IQCM: variants seen among roughly 807,000 people sequenced by gnomAD.
IQCM encodes the protein IQ domain-containing protein M.
Under a neutral mutation model 57.6 loss-of-function variants are expected in IQCM, and 45 were observed. The observed-to-expected ratio is 0.78, with a 90% CI of 0.62 to 1.00. IQCM has a LOEUF of 1.00. Ranked by LOEUF, IQCM falls within the 50% of genes least tolerant of loss-of-function variation. The pLI is 0.00. For missense variants in IQCM, 468 were observed against 511.6 expected (o/e 0.91, Z 0.82); for synonymous variants, 148 against 158.9 (o/e 0.93, Z 0.51).
intron 12 of IQCM, among the ~76,000 whole-genome samples, chr4:149,474,553 CAAAA>C (rs35089303): frequency 1.6e-5 from 2 of 126,790 alleles, no homozygotes; most frequent in East Asian, 2.3e-4. Context: ...ACTAAAAATA[CAAAA>C]AAAAAAAAAA....
chr4:149,510,655 T>C (rs1255544587), intron 12 of IQCM, among the ~76,000 whole-genome samples: 2 of 152,212 alleles, frequency 1.3e-5, no homozygotes, highest in Non-Finnish European at 2.9e-5. Flanking sequence ...ATCCTCTGGT[T>C]TATGATAGTC....
chr4:149,485,325 T>G (rs951941003), intron 12 of IQCM, among the ~76,000 whole-genome samples: 6 of 152,058 alleles, frequency 3.9e-5, no homozygotes. Flanking sequence ...CTACCTCTCT[T>G]TAAAGCCAAT....
intron 13 of IQCM, among the ~76,000 whole-genome samples, chr4:149,370,775 T>C (rs956403074): frequency 6.6e-6 from 1 of 152,218 alleles, no homozygotes; most frequent in South Asian, 2.1e-4. Flanking sequence ...TGTAGACCAC[T>C]GAAATATATA....
At chr4:149,685,347 A>G (rs974650955) in intron 6 of IQCM, among the ~76,000 whole-genome samples, 6 of 151,544 alleles carry the variant, frequency 4.0e-5, no homozygotes, top group Non-Finnish European at 8.9e-5. Flanking sequence ...TGGGTAACTC[A>G]AAGGCAGAGA....
chr4:149,769,931 A>C (rs1343041945), intron 2 of IQCM, among the ~76,000 whole-genome samples: 1 of 152,090 alleles, frequency 6.6e-6, no homozygotes, highest in African/African-American at 2.4e-5. Flanking sequence ...ACTTGACATA[A>C]CTGGCATTTA....
At chr4:149,712,369 C>CACAA (rs1554027220) in intron 5 of IQCM, among the ~76,000 whole-genome samples, 8 of 150,492 alleles carry the variant, frequency 5.3e-5, no homozygotes, top group African/African-American at 2.0e-4. Context: ...CACACACACA[C>CACAA]AACACACATA....
At chr4:149,766,342 T>C (rs1235459817) in intron 2 of IQCM, among the ~76,000 whole-genome samples, 2 of 152,154 alleles carry the variant, frequency 1.3e-5, no homozygotes, top group African/African-American at 4.8e-5. Context: ...CTTTCTGCAA[T>C]CAAGCTAAAC....
intron 2 of IQCM, among the ~76,000 whole-genome samples, chr4:149,796,012 C>T (rs1773077326): frequency 6.6e-6 from 1 of 152,112 alleles, no homozygotes; most frequent in Admixed American, 6.5e-5. Flanking sequence ...GCTATGGTGG[C>T]CCTGGGGCGA....
intron 5 of IQCM, among the ~76,000 whole-genome samples, chr4:149,716,444 C>A (rs1765005859): frequency 6.6e-6 from 1 of 152,180 alleles, no homozygotes. Flanking sequence ...GCAGGTGGAG[C>A]CTCCCAGGCC....
chr4:149,586,690 T>G (rs1752674970), intron 9 of IQCM, among the ~76,000 whole-genome samples: 1 of 151,732 alleles, frequency 6.6e-6, no homozygotes, highest in Non-Finnish European at 1.5e-5. Flanking sequence ...CTTCTATAAC[T>G]GTCATTTTTG....
At chr4:149,613,379 G>A (rs1755480022) in intron 8 of IQCM, among the ~76,000 whole-genome samples, 1 of 152,078 alleles carries the variant, frequency 6.6e-6, no homozygotes, top group African/African-American at 2.4e-5. Context: ...TTAAAAAGAT[G>A]TTGAAATTTC....
At chr4:149,440,494 A>G (rs1260520726) in intron 12 of IQCM, among the ~76,000 whole-genome samples, 1 of 152,160 alleles carries the variant, frequency 6.6e-6, no homozygotes, top group Non-Finnish European at 1.5e-5. Context: ...TTCCCATACT[A>G]TTTAAATCCC....
intron 3 of IQCM, among the ~76,000 whole-genome samples, chr4:149,741,272 G>T (rs1277648058): frequency 1.3e-5 from 2 of 151,954 alleles, no homozygotes; most frequent in East Asian, 3.9e-4. Context: ...CTTTAACAAA[G>T]TATCCTGCCT....
At chr4:149,734,846 G>A (rs1370656723) in intron 4 of IQCM, among the ~76,000 whole-genome samples, 1 of 151,896 alleles carries the variant, frequency 6.6e-6, no homozygotes, top group Non-Finnish European at 1.5e-5. Flanking sequence ...ATGCCATTCA[G>A]CAAATATTTA....
chr4:149,548,669 C>G (rs1353132075), intron 11 of IQCM, 80 bp from the exon 12 acceptor site: 2 of 678,144 alleles, frequency 2.9e-6, no homozygotes, highest in African/African-American at 1.9e-5. Context: ...CTTTATTTTC[C>G]TGTCTACCAG....
intron 12 of IQCM, among the ~76,000 whole-genome samples, chr4:149,492,021 T>G (rs976712795): frequency 3.9e-5 from 6 of 152,132 alleles, no homozygotes; most frequent in Non-Finnish European, 8.8e-5. Context: ...TTGAGCATGT[T>G]TTTTATACAC....
intron 13 of IQCM, among the ~76,000 whole-genome samples, chr4:149,392,697 C>T (rs535096499): frequency 1.3e-5 from 2 of 151,866 alleles, no homozygotes; most frequent in East Asian, 3.9e-4. Context: ...GAAGCCAGGG[C>T]AAATCTTTGC....
intron 5 of IQCM, among the ~76,000 whole-genome samples, chr4:149,705,199 T>G (rs958673259): frequency 1.4e-5 from 2 of 146,762 alleles, no homozygotes; most frequent in Admixed American, 6.8e-5. Flanking sequence ...ATTTATATAT[T>G]ATAAATATAT....
At chr4:149,533,921 T>C (rs1428357464) in intron 12 of IQCM, among the ~76,000 whole-genome samples, 1 of 152,114 alleles carries the variant, frequency 6.6e-6, no homozygotes, top group African/African-American at 2.4e-5. Context: ...ACTATCTTAA[T>C]ATGAACTGCA....
Sources: allele counts gnomAD v4.1 joint callset (sites outside exome capture counted in the v4.1 genomes callset), GRCh38; gene constraint gnomAD v4.1.1; transcripts MANE v1.5; gene names NCBI Gene and HGNC (gene_info 2026-07-23, HGNC 2026-07-21).